The following GTF3C2 variants were observed in gnomAD, a reference collection of about 807,000 sequenced individuals.
GTF3C2 encodes general transcription factor IIIC subunit 2.
A neutral mutation model predicts 117.4 loss-of-function variants in GTF3C2; 17 were observed. The observed-to-expected ratio is 0.14, with a 90% CI of 0.10 to 0.22. The LOEUF is 0.22. Among genes scored for constraint, GTF3C2 ranks in the 10% least tolerant of loss-of-function variants. GTF3C2 has a pLI of 1.00. For synonymous variants in GTF3C2, 437 were observed against 427.0 expected (o/e 1.02, Z -0.29); for missense variants, 888 against 1,143.6 (o/e 0.78, Z 3.22).
At chr2:27,338,488 G>A (rs565919981) in intron 4 of GTF3C2, among the ~76,000 whole-genome samples, 35 of 151,868 alleles carry the variant, frequency 2.3e-4, no homozygotes, top group African/African-American at 8.2e-4. Flanking sequence ...ACACACTCCT[G>A]GTAATCTCAT....
At chr2:27,355,566 T>C (rs1235242515) in intron 1 of GTF3C2, among the ~76,000 whole-genome samples, 2 of 151,442 alleles carry the variant, frequency 1.3e-5, no homozygotes, top group East Asian at 3.9e-4. Flanking sequence ...CAGCAGGATG[T>C]AATGGTACAA....
At chr2:27,350,995 A>G (rs1022364999) in intron 1 of GTF3C2, among the ~76,000 whole-genome samples, 3 of 151,500 alleles carry the variant, frequency 2.0e-5, no homozygotes, top group African/African-American at 7.3e-5. Context: ...ATGCAACTGC[A>G]GTCTTAGCTA....
intron 7 of GTF3C2, 162 bp downstream of exon 7, chr2:27,337,082 A>G: frequency 1.6e-6 from 1 of 618,436 alleles, no homozygotes; most frequent in Non-Finnish European, 2.9e-6. Context: ...GAACACTACA[A>G]ATCAGAGAGG....
At chr2:27,341,472 T>G (rs908608866) in intron 4 of GTF3C2, 3 of 158,706 alleles carry the variant, frequency 1.9e-5, no homozygotes, top group African/African-American at 4.8e-5. Context: ...CAGTTTAATC[T>G]CGCCTACAAC....
chr2:27,326,709 G>A (rs1172426528), exon 19 of GTF3C2: 1 of 1,614,122 alleles, frequency 6.2e-7, no homozygotes, highest in South Asian at 1.1e-5. Context: ...GCTGGTTGGA[G>A]AGAAGCCAGG....
intron 1 of GTF3C2, among the ~76,000 whole-genome samples, chr2:27,349,822 T>C (rs1681062495): frequency 1.3e-5 from 2 of 151,970 alleles, no homozygotes; most frequent in Non-Finnish European, 2.9e-5. Flanking sequence ...TATTTTTTAG[T>C]AGAGACGGGG....
chr2:27,335,022 TCCA>T (rs1680410141), intron 10 of GTF3C2, among the ~76,000 whole-genome samples: 1 of 152,092 alleles, frequency 6.6e-6, no homozygotes, highest in South Asian at 2.1e-4. Context: ...CTCAACCCAC[TCCA>T]CCAGACCACC....
intron 1 of GTF3C2, among the ~76,000 whole-genome samples, chr2:27,347,960 C>T (rs1430396191): frequency 6.6e-6 from 1 of 151,890 alleles, no homozygotes; most frequent in Non-Finnish European, 1.5e-5. Flanking sequence ...ATGGCAAAAC[C>T]CTGTCTCTAC....
At position 27,336,031 on chromosome 2, in the gene GTF3C2, G is replaced by T; in HGVS notation, c.1356-3C>A. On this transcript the variant is annotated splice_polypyrimidine_tract_variant and splice_region_variant and intron_variant, in intron 8 of 18. Transcript: ENST00000264720. ...CAAAGTGGGCCCTGTTGCCAGGACT[G>T]GAGAGAGAGAGCATGTGGGGATGGT... 1 of 1,591,588 alleles carries T rather than the reference G, an allele frequency of 6.3e-7. No homozygotes were observed. The highest frequency in any genetic ancestry group is 1.1e-5 in the South Asian group (1 of 90,634).
intron 1 of GTF3C2, among the ~76,000 whole-genome samples, chr2:27,344,512 AAAAAG>A (rs1175291574): frequency 6.6e-6 from 1 of 152,150 alleles, no homozygotes; most frequent in Non-Finnish European, 1.5e-5. Context: ...ACACACTCCA[AAAAAG>A]AAGAGAGAGA....
chr2:27,326,966 C>CAAAA, intron 18 of GTF3C2, 73 bp from the exon 19 acceptor site: 2 of 716,060 alleles, frequency 2.8e-6, no homozygotes, highest in Non-Finnish European at 4.4e-6. Flanking sequence ...GCTGTATGAA[C>CAAAA]AAAAAAAAAA....
rs530899339 is a variant in GTF3C2 at position 27,327,808 on chromosome 2, A to G, written c.2409+229T>C. On this transcript the variant is annotated intron_variant, in intron 17 of 18. Coordinates refer to ENST00000264720, the Ensembl canonical transcript of GTF3C2. Reference sequence around the variant, plus strand: ...ACGCCCAGCTAATTTTTGTATTTTTAGTAGAGACGGAGTTTCGCCATGTTG... The same window carrying G: ...ACGCCCAGCTAATTTTTGTATTTTTGGTAGAGACGGAGTTTCGCCATGTTG... 1.4e-4 allele frequency among the ~76,000 whole-genome samples: 21 copies of G among 151,932 alleles called. No homozygotes were observed. In the South Asian group the frequency reaches 4.2e-3, roughly 30 times the overall value.
At chr2:27,346,556 T>C (rs1253385560) in intron 1 of GTF3C2, among the ~76,000 whole-genome samples, 1 of 151,416 alleles carries the variant, frequency 6.6e-6, no homozygotes, top group Non-Finnish European at 1.5e-5. Context: ...TTCACCATGT[T>C]GCCCAGGCTG....
At position 27,329,880 on chromosome 2, in the gene GTF3C2, G is replaced by A. The variant is rs1157247616; in HGVS notation, c.1733-357C>T. On this transcript the variant is annotated intron_variant, in intron 12 of 18. Transcript: ENST00000264720. This position sits in a 1 kb window ranked among gnomAD's most constrained non-coding sequence, Gnocchi z 4.5. ...ATAGGTGGGGCACACGGTGGCTCAT[G>A]CCTGTAATCTCAACACTGTGGGAGG... Among the ~76,000 whole-genome samples the A allele has an allele frequency of 1.3e-5, 2 of 152,156 alleles. No homozygotes were observed. The highest frequency in any genetic ancestry group is 4.8e-5 in the African/African-American group (2 of 41,440).
chr2:27,328,729 G>A (rs1680178094), intron 15 of GTF3C2, 115 bp downstream of exon 15: 1 of 1,054,272 alleles, frequency 9.5e-7, no homozygotes, highest in Admixed American at 2.0e-5. Flanking sequence ...TGATGATAGA[G>A]TTACAACATC....
intron 3 of GTF3C2, 87 bp from the exon 4 acceptor site, chr2:27,342,320 GC>G: frequency 9.4e-7 from 1 of 1,063,322 alleles, no homozygotes; most frequent in Non-Finnish European, 1.3e-6. Flanking sequence ...TCTCAATGGA[GC>G]CTCCCAATAA....
intron 17 of GTF3C2, 122 bp downstream of exon 17, chr2:27,327,909 AGCCACT>A: frequency 1.5e-6 from 1 of 681,190 alleles, no homozygotes; most frequent in Admixed American, 3.3e-5. Context: ...TACAGGCATG[AGCCACT>A]GCACCTGGCC....
intron 1 of GTF3C2, among the ~76,000 whole-genome samples, chr2:27,348,985 C>T (rs1005036263): frequency 1.1e-4 from 17 of 151,554 alleles, no homozygotes; most frequent in Non-Finnish European, 1.9e-4. Flanking sequence ...TACAGGCGGC[C>T]GCCACCACAC....
chr2:27,338,245 T>C, intron 4 of GTF3C2: 3 of 520,804 alleles, frequency 5.8e-6, no homozygotes, highest in Non-Finnish European at 1.0e-5. Flanking sequence ...TATTTTCTGT[T>C]CAGCTTCCTC....
Sources: allele counts gnomAD v4.1 joint callset (sites outside exome capture counted in the v4.1 genomes callset), GRCh38; gene constraint gnomAD v4.1.1; non-coding constraint Gnocchi (gnomAD v3.1); transcripts MANE v1.5; gene names NCBI Gene and HGNC (gene_info 2026-07-23, HGNC 2026-07-21).